SGCD: variants seen among roughly 807,000 people sequenced by gnomAD.
SGCD encodes the protein delta-sarcoglycan.
Under a neutral mutation model 36.6 loss-of-function variants are expected in SGCD, and 18 were observed. The observed-to-expected ratio is 0.49, with a 90% confidence interval of 0.34 to 0.73. SGCD has a LOEUF of 0.73. Ranked by LOEUF, SGCD falls within the 30% of genes least tolerant of loss-of-function variation. The pLI, the probability that SGCD is intolerant of heterozygous loss-of-function variation, is 0.01. For synonymous variants in SGCD, 133 were observed against 130.6 expected, an observed-to-expected ratio of 1.02 and a Z score of -0.12; for missense variants, 387 against 346.7, an observed-to-expected ratio of 1.12 and a Z score of -0.92.
At chr5:156,575,591 A>G (rs1397929734) in intron 4 of SGCD, among the ~76,000 whole-genome samples, 1 of 152,208 alleles carries the variant, frequency 6.6e-6, no homozygotes, top group East Asian at 1.9e-4. Context: ...TAAGCCATCC[A>G]ACAAGTTCTA....
rs541483320 is a variant in SGCD at position 155,955,972 on chromosome 5, A to G, written c.-282+85548A>G. On this transcript the variant is annotated intron_variant, in intron 1 of 9. Transcript: ENST00000517913. ...TGTGTAAGATTGGCGATGAGCACAAATGTAATTCAAAGGAGAAGGAGTCAG... is the reference window on the plus strand; with the variant it reads ...TGTGTAAGATTGGCGATGAGCACAAGTGTAATTCAAAGGAGAAGGAGTCAG... Among the ~76,000 whole-genome samples the G allele has an allele frequency of 3.0e-3, 456 of 152,254 alleles. 2 individuals carry two copies. Among genetic ancestry groups the G allele is most frequent in the African/African-American group, 0.01 (426 of 41,576 alleles).
the SGCD span, among the ~76,000 whole-genome samples, chr5:155,833,037 G>T: frequency 8.0e-6 from 1 of 125,336 alleles, no homozygotes; most frequent in African/African-American, 3.3e-5. Flanking sequence ...GTGAAACCCC[G>T]TCTCTACTAA....
At chr5:156,168,053 C>G (rs1458122119) in intron 3 of SGCD, among the ~76,000 whole-genome samples, 1 of 152,186 alleles carries the variant, frequency 6.6e-6, no homozygotes, top group Non-Finnish European at 1.5e-5. Flanking sequence ...GAAAAACATA[C>G]ATGACAGGAA....
intron 3 of SGCD, among the ~76,000 whole-genome samples, chr5:156,255,130 T>G (rs1765683666): frequency 6.6e-6 from 1 of 152,122 alleles, no homozygotes; most frequent in Admixed American, 6.5e-5. Context: ...TAGACTTGGG[T>G]CCCATCCCCA....
At chr5:156,443,236 T>C (rs10054228) in intron 3 of SGCD, among the ~76,000 whole-genome samples, 28,128 of 152,128 alleles carry the variant, frequency 0.18, 4,353 homozygotes, top group African/African-American at 0.42. Context: ...CTGCCTGCCT[T>C]GGCCTCCCAA....
the SGCD span, among the ~76,000 whole-genome samples, chr5:155,728,536 G>A: frequency 3.9e-5 from 6 of 152,224 alleles, no homozygotes; most frequent in East Asian, 1.9e-4. Flanking sequence ...GCTCTCTTGC[G>A]CGCTGTCTGC....
At chr5:156,112,604 C>A (rs1761813638) in intron 1 of SGCD, among the ~76,000 whole-genome samples, 1 of 152,076 alleles carries the variant, frequency 6.6e-6, no homozygotes, top group African/African-American at 2.4e-5. Context: ...AACCAGGGAG[C>A]TAGACCCATC....
intron 1 of SGCD, among the ~76,000 whole-genome samples, chr5:155,995,728 T>C (rs12517364): frequency 0.31 from 46,568 of 151,758 alleles, 7,170 homozygotes; most frequent in South Asian, 0.37. Context: ...ATCCTATAAA[T>C]GTATTGAGTG....
At chr5:156,038,638 T>C (rs1288850730) in intron 1 of SGCD, among the ~76,000 whole-genome samples, 1 of 151,988 alleles carries the variant, frequency 6.6e-6, no homozygotes, top group Non-Finnish European at 1.5e-5. Flanking sequence ...TGACCAAAGC[T>C]TTCTCTTTAC....
At chr5:156,164,120 A>G (rs1763156522) in intron 3 of SGCD, among the ~76,000 whole-genome samples, 2 of 151,708 alleles carry the variant, frequency 1.3e-5, no homozygotes, top group Admixed American at 6.5e-5. Flanking sequence ...ATTTTATAAA[A>G]TGACTCTAAA....
At chr5:156,009,259 T>C (rs1332661682) in intron 1 of SGCD, among the ~76,000 whole-genome samples, 2 of 152,240 alleles carry the variant, frequency 1.3e-5, no homozygotes, top group Non-Finnish European at 2.9e-5. Flanking sequence ...TCAGGTAAAA[T>C]GACCCTTTGG....
intron 3 of SGCD, among the ~76,000 whole-genome samples, chr5:156,463,432 A>C (rs1754577597): frequency 6.6e-6 from 1 of 152,136 alleles, no homozygotes; most frequent in African/African-American, 2.4e-5. Context: ...AGCACTGATA[A>C]ATTTGTAATA....
chr5:156,178,294 T>A (rs577104573), intron 3 of SGCD, among the ~76,000 whole-genome samples: 2 of 152,288 alleles, frequency 1.3e-5, no homozygotes, highest in African/African-American at 4.8e-5. Flanking sequence ...CTAAAGAGAA[T>A]GCTGTTTTGA....
At chr5:155,730,300 CAGTAACTTCTTCATG>C in the SGCD span, among the ~76,000 whole-genome samples, 2 of 152,142 alleles carry the variant, frequency 1.3e-5, no homozygotes, top group African/African-American at 4.8e-5. Context: ...CAAAATTGCC[CAGTAACTTCTTCATG>C]AGTAACTTCT....
At chr5:155,774,044 C>G in the SGCD span, among the ~76,000 whole-genome samples, 1 of 152,092 alleles carries the variant, frequency 6.6e-6, no homozygotes, top group African/African-American at 2.4e-5. Flanking sequence ...TATAATTATG[C>G]CTCCCCTCTC....
chr5:156,554,046 G>A (rs561518958), intron 4 of SGCD, among the ~76,000 whole-genome samples: 1 of 152,272 alleles, frequency 6.6e-6, no homozygotes, highest in East Asian at 1.9e-4. Flanking sequence ...CTGAAAACAA[G>A]TGAGTGCAGT....
In SGCD at chr5:156,726,811, T is replaced by G. The variant is rs1755797603; in HGVS notation, c.576-30770T>G. Among the ~76,000 whole-genome samples, 11 of 152,236 alleles carry G rather than the reference T, an allele frequency of 7.2e-5. 1 individual carries two copies. Among genetic ancestry groups the G allele is most frequent in the Admixed American group, 7.2e-4 (11 of 15,284 alleles). ...TCCACAGGAGAGGAAGTGTAATCAG[T>G]GCTGATGTTAGGGCCAGAATGGTTG... On this transcript the variant is annotated intron_variant, in intron 7 of 8. Coordinates refer to ENST00000337851, the MANE Select transcript of SGCD (RefSeq NM_000337.6).
chr5:155,968,598 T>C (rs1159480483), intron 1 of SGCD, among the ~76,000 whole-genome samples: 1 of 152,142 alleles, frequency 6.6e-6, no homozygotes, highest in Non-Finnish European at 1.5e-5. Flanking sequence ...TTAAGCTTTA[T>C]CATAAGTATG....
chr5:155,940,829 A>C (rs1757305606), intron 1 of SGCD, among the ~76,000 whole-genome samples: 2 of 151,916 alleles, frequency 1.3e-5, no homozygotes, highest in Non-Finnish European at 2.9e-5. Flanking sequence ...TGGGTGACAA[A>C]GCAAGAATCC....
Sources: allele counts gnomAD v4.1 joint callset (sites outside exome capture counted in the v4.1 genomes callset), GRCh38; gene constraint gnomAD v4.1.1; transcripts MANE v1.5; gene names NCBI Gene and HGNC (gene_info 2026-07-23, HGNC 2026-07-21).